NIBAN1: variants seen among roughly 807,000 people sequenced by gnomAD.
NIBAN1 encodes protein Niban 1.
In NIBAN1, 81 loss-of-function variants were observed where a neutral mutation model predicts 75.1. The observed-to-expected ratio is 1.08, with a 90% CI of 0.90 to 1.30. The LOEUF is 1.30. Ranked by LOEUF, NIBAN1 falls within the 50% of genes most tolerant of loss-of-function variation. NIBAN1 has a pLI of 0.00. For synonymous variants in NIBAN1, 436 were observed against 424.8 expected, an observed-to-expected ratio of 1.03 and a Z score of -0.32; for missense variants, 1,133 against 1,128.1, an observed-to-expected ratio of 1.00 and a Z score of -0.06.
At chr1:184,894,020 G>A (rs541547107) in intron 3 of NIBAN1, 55 bp downstream of exon 3, 37 of 1,516,480 alleles carry the variant, frequency 2.4e-5, no homozygotes, top group Non-Finnish European at 2.8e-5. Context: ...CCAATCAACC[G>A]AGCCAAACTT....
rs534555948 is a variant in NIBAN1, at chr1:184,855,341, A to G, written c.602-23379T>C. ...TCCTTAGCAGCTGGGCATAACATTGAATAAAATAACATTGAAAAATCACTA... is the reference window on the plus strand; with the variant it reads ...TCCTTAGCAGCTGGGCATAACATTGGATAAAATAACATTGAAAAATCACTA... On this transcript the variant is annotated intron_variant, in intron 5 of 13. Coordinates refer to ENST00000367511, the MANE Select transcript of NIBAN1 (RefSeq NM_052966.4). Among the ~76,000 whole-genome samples the G allele has an allele frequency of 3.7e-4, 56 of 152,212 alleles. 2 individuals are homozygous for G. The highest frequency in any genetic ancestry group is 1.5e-5 in the Non-Finnish European group (1 of 68,040).
intron 8 of NIBAN1, among the ~76,000 whole-genome samples, chr1:184,819,843 G>C (rs1040114899): frequency 5.3e-5 from 8 of 152,192 alleles, no homozygotes; most frequent in Non-Finnish European, 1.0e-4. Context: ...TAATTTTCAG[G>C]AGCAGGGCTA....
intron 4 of NIBAN1, among the ~76,000 whole-genome samples, chr1:184,885,812 C>T (rs956996450): frequency 1.3e-5 from 2 of 152,238 alleles, no homozygotes; most frequent in Non-Finnish European, 2.9e-5. Context: ...GGAATATTTG[C>T]TGCTGCTAAC....
At chr1:184,952,392 C>G (rs1231367931) in intron 1 of NIBAN1, among the ~76,000 whole-genome samples, 1 of 152,174 alleles carries the variant, frequency 6.6e-6, no homozygotes, top group Non-Finnish European at 1.5e-5. Context: ...CAGAGCAAGA[C>G]CCTGTCTCAA....
At chr1:184,946,875 A>G (rs1658238180) in intron 1 of NIBAN1, among the ~76,000 whole-genome samples, 1 of 152,076 alleles carries the variant, frequency 6.6e-6, no homozygotes, top group Non-Finnish European at 1.5e-5. Context: ...GGAGTTTGAG[A>G]CCAGCCTGAC....
At chr1:184,955,361 T>TTTCCTTTCCTTTC (rs1491199108) in intron 1 of NIBAN1, among the ~76,000 whole-genome samples, 388 of 25,322 alleles carry the variant, frequency 0.015, no homozygotes, top group Non-Finnish European at 0.025. Context: ...CCTTTCCTTT[T>TTTCCTTTCCTTTC]CTTTTTTGTT....
rs537672419 is a variant in NIBAN1, at chr1:184,869,202, G to A, written c.601+15431C>T. Reference sequence around the variant, plus strand: ...AAAGGTGGTACATTGCCTCTCACTCGGACAGAAGAAGGGGATAAAAGTAGA... The same window carrying A: ...AAAGGTGGTACATTGCCTCTCACTCAGACAGAAGAAGGGGATAAAAGTAGA... On this transcript the variant is annotated intron_variant, in intron 5 of 13. Coordinates refer to ENST00000367511, the MANE Select transcript of NIBAN1 (RefSeq NM_052966.4). Among the ~76,000 whole-genome samples the A allele has an allele frequency of 4.9e-4, 74 of 152,216 alleles. 1 individual carries two copies. Among genetic ancestry groups the A allele is most frequent in the Admixed American group, 1.6e-3 (25 of 15,294 alleles).
In NIBAN1 at chr1:184,794,767, A is replaced by C; in HGVS notation, c.*210T>G. On this transcript the variant is annotated 3_prime_UTR_variant, in exon 14 of 14. Coordinates refer to ENST00000367511, the MANE Select transcript of NIBAN1 (RefSeq NM_052966.4). Reference sequence around the variant, plus strand: ...CATTGTCTTTGTAATTCTTATTAAAATACTAAAGCAAAAATTCATCGTAGA... The same window carrying C: ...CATTGTCTTTGTAATTCTTATTAAACTACTAAAGCAAAAATTCATCGTAGA... The C allele has an allele frequency of 6.1e-6, 4 of 653,072 alleles. No individual in the cohort carries two copies. In the South Asian group the frequency reaches 7.6e-5, roughly 12 times the overall value. 40.5% of individuals were successfully genotyped at this position (653,072 alleles called of 1,614,324 possible).
chr1:184,878,059 T>TG (rs1363198035), intron 5 of NIBAN1, among the ~76,000 whole-genome samples: 1 of 152,160 alleles, frequency 6.6e-6, no homozygotes, highest in Admixed American at 6.5e-5. Flanking sequence ...CTGAGGGAGA[T>TG]GGGGTGGAAG....
At chr1:184,909,995 AAT>A (rs1488217011) in intron 1 of NIBAN1, among the ~76,000 whole-genome samples, 1 of 152,182 alleles carries the variant, frequency 6.6e-6, no homozygotes. Context: ...CTGAAAATCC[AAT>A]AGTATTGACT....
intron 1 of NIBAN1, among the ~76,000 whole-genome samples, chr1:184,963,422 G>A: frequency 6.6e-6 from 1 of 151,958 alleles, no homozygotes; most frequent in South Asian, 2.1e-4. Context: ...TTGTGCTGGA[G>A]GTCCTAGTAA....
chr1:184,944,159 G>C (rs1272842254), intron 1 of NIBAN1, among the ~76,000 whole-genome samples: 1 of 152,190 alleles, frequency 6.6e-6, no homozygotes, highest in East Asian at 1.9e-4. Flanking sequence ...GGTAGAGGAT[G>C]GATGATGGTC....
At chr1:184,842,109 G>C (rs1183047212) in intron 5 of NIBAN1, among the ~76,000 whole-genome samples, 2 of 152,180 alleles carry the variant, frequency 1.3e-5, no homozygotes, top group East Asian at 3.9e-4. Flanking sequence ...CTCCTATAAA[G>C]TTCTTCTAAA....
At chr1:184,877,127 T>C (rs1656253588) in intron 5 of NIBAN1, among the ~76,000 whole-genome samples, 1 of 152,170 alleles carries the variant, frequency 6.6e-6, no homozygotes, top group Non-Finnish European at 1.5e-5. Flanking sequence ...TATTAGAAAT[T>C]ATGGTATATT....
intron 5 of NIBAN1, among the ~76,000 whole-genome samples, chr1:184,840,927 A>G (rs900479812): frequency 6.6e-6 from 1 of 150,984 alleles, no homozygotes; most frequent in Non-Finnish European, 1.5e-5. Context: ...TTGCCTTAAA[A>G]CATGTTCAAT....
rs886987026 is a variant in NIBAN1 at position 184,823,421 on chromosome 1, C to A, written c.823-92G>T. On this transcript the variant is annotated intron_variant, in intron 7 of 13. Coordinates refer to ENST00000367511, the MANE Select transcript of NIBAN1 (RefSeq NM_052966.4). Reference sequence around the variant, plus strand: ...GGGAGGAGCCTTCATCACAGGCCATCATAACAAACAGAACTGCACACACAT... The same window carrying A: ...GGGAGGAGCCTTCATCACAGGCCATAATAACAAACAGAACTGCACACACAT... 6 of 1,480,974 alleles carry A rather than the reference C, an allele frequency of 4.1e-6. No homozygotes were observed. The African/African-American group carries it at 7.0e-5, about 17-fold the overall frequency. The allele number at this position is 1,480,974 out of a possible 1,614,324, so 91.7% of individuals were successfully genotyped here.
intron 1 of NIBAN1, among the ~76,000 whole-genome samples, chr1:184,909,477 T>A (rs993177489): frequency 3.3e-5 from 5 of 152,176 alleles, no homozygotes; most frequent in South Asian, 2.1e-4. Context: ...ATTCTGTTAG[T>A]CTGGGGATAT....
At chr1:184,860,666 C>T (rs918626512) in intron 5 of NIBAN1, among the ~76,000 whole-genome samples, 1 of 152,078 alleles carries the variant, frequency 6.6e-6, no homozygotes, top group Non-Finnish European at 1.5e-5. Flanking sequence ...ACTGACAATA[C>T]CTCTGTCCCA....
intron 8 of NIBAN1, among the ~76,000 whole-genome samples, chr1:184,821,098 T>G (rs1654685051): frequency 6.6e-6 from 1 of 152,236 alleles, no homozygotes; most frequent in South Asian, 2.1e-4. Flanking sequence ...TGTCTCAGCA[T>G]CTGTGACATG....
Sources: allele counts gnomAD v4.1 joint callset (sites outside exome capture counted in the v4.1 genomes callset), GRCh38; gene constraint gnomAD v4.1.1; transcripts MANE v1.5; gene names NCBI Gene and HGNC (gene_info 2026-07-23, HGNC 2026-07-21).